The following VTA1 variants were observed in gnomAD, a reference collection of about 807,000 sequenced individuals.
VTA1 encodes the protein vesicle trafficking 1.
A neutral mutation model predicts 36.9 loss-of-function variants in VTA1; 24 were observed. That is an observed-to-expected ratio of 0.65 (90% CI 0.47 to 0.91). The LOEUF is 0.91. Among genes scored for constraint, VTA1 ranks in the 40% least tolerant of loss-of-function variants. The pLI is 0.00. For missense variants in VTA1, 393 were observed against 377.2 expected, an observed-to-expected ratio of 1.04 and a Z score of -0.35; for synonymous variants, 142 against 130.2, an observed-to-expected ratio of 1.09 and a Z score of -0.62.
chr6:142,187,229 A>G (rs949311079), intron 4 of VTA1, among the ~76,000 whole-genome samples: 1 of 152,178 alleles, frequency 6.6e-6, no homozygotes, highest in Non-Finnish European at 1.5e-5. Context: ...GAGGATTAGG[A>G]GCCAAAGGAG....
At chr6:142,216,884 C>G (rs1036202753) in intron 7 of VTA1, among the ~76,000 whole-genome samples, 17 of 152,092 alleles carry the variant, frequency 1.1e-4, no homozygotes, top group South Asian at 2.1e-4. Flanking sequence ...AAAGAGTGCC[C>G]TGAGATAGGA....
rs1776051528 is a variant in VTA1 at position 142,218,850 on chromosome 6, C to CT, written c.*208dup. The CT allele has an allele frequency of 1.9e-6, 1 of 524,708 alleles. No homozygotes were observed. Among genetic ancestry groups the CT allele is most frequent in the Non-Finnish European group, 3.2e-6 (1 of 315,448 alleles). 32.5% of individuals were successfully genotyped at this position (524,708 alleles called of 1,614,324 possible). A position where few individuals can be genotyped will look rare whatever the true frequency, so the allele number is the denominator to read the frequency against. On this transcript the variant is annotated 3_prime_UTR_variant, in exon 8 of 8. Transcript: ENST00000367630. ...GTCCATTTACTAGATTCAATCGTCT[C>CT]TGAGTATATAGGGCTGATGTTAGCA...
At chr6:142,169,463 C>A in intron 2 of VTA1, 87 bp from the exon 3 acceptor site, 1 of 1,367,020 alleles carries the variant, frequency 7.3e-7, no homozygotes, top group Non-Finnish European at 1.0e-6. Flanking sequence ...AAATAATTTA[C>A]TTAAAATGAT....
intron 4 of VTA1, among the ~76,000 whole-genome samples, chr6:142,187,268 T>C (rs1205537573): frequency 6.6e-6 from 1 of 152,118 alleles, no homozygotes; most frequent in Non-Finnish European, 1.5e-5. Flanking sequence ...GAATAGAGTG[T>C]CACAAAAACT....
intron 7 of VTA1, among the ~76,000 whole-genome samples, chr6:142,206,337 A>G (rs897002990): frequency 6.6e-6 from 1 of 152,214 alleles, no homozygotes; most frequent in Non-Finnish European, 1.5e-5. Context: ...ACAATAATCA[A>G]AAACAAAATA....
chr6:142,190,299 A>G (rs980186995), intron 5 of VTA1, among the ~76,000 whole-genome samples: 14 of 151,988 alleles, frequency 9.2e-5, no homozygotes, highest in Non-Finnish European at 1.8e-4. Flanking sequence ...TCCTACCAAA[A>G]CTCAAGTAAG....
intron 1 of VTA1, among the ~76,000 whole-genome samples, chr6:142,149,256 C>G (rs1210889451): frequency 1.3e-5 from 2 of 152,276 alleles, no homozygotes; most frequent in African/African-American, 2.4e-5. Context: ...TGAAACTGCT[C>G]TCATCAGGCT....
chr6:142,150,971 G>A (rs964755138), intron 1 of VTA1, among the ~76,000 whole-genome samples: 2 of 152,156 alleles, frequency 1.3e-5, no homozygotes, highest in African/African-American at 4.8e-5. Flanking sequence ...AATTTGAGGG[G>A]AAGGAGGTAG....
Position 142,198,583 on chromosome 6 carries a change from C to CTAA in VTA1, c.668_670dup (p.Asn223dup). The stretch of plus-strand genomic sequence containing the variant: ...ATTCCTCCGGGTGCACACGCTCCAG[C>CTAA]TAATACACCAGCAGAAGTGCCTCAC... On this transcript the variant is annotated inframe_insertion, in exon 6 of 8. Transcript: ENST00000367630. 1 of 1,612,968 alleles carries CTAA rather than the reference C, an allele frequency of 6.2e-7. No homozygotes were observed.
chr6:142,180,903 G>T (rs919823058), intron 4 of VTA1, among the ~76,000 whole-genome samples: 1 of 151,208 alleles, frequency 6.6e-6, no homozygotes, highest in Non-Finnish European at 1.5e-5. Context: ...ATCTGGGCCT[G>T]GGGGGAAAAT....
intron 1 of VTA1, among the ~76,000 whole-genome samples, chr6:142,160,465 T>G (rs968511013): frequency 1.5e-4 from 23 of 152,182 alleles, no homozygotes; most frequent in Non-Finnish European, 3.1e-4. Context: ...GATTTCTGGG[T>G]TTTTTCCTGC....
chr6:142,186,606 G>C (rs1253753049), intron 4 of VTA1, among the ~76,000 whole-genome samples: 1 of 152,066 alleles, frequency 6.6e-6, no homozygotes, highest in Admixed American at 6.5e-5. Flanking sequence ...TGTTAAAAAT[G>C]ACTCCTCCCA....
chr6:142,184,160 G>A (rs908912278), intron 4 of VTA1, among the ~76,000 whole-genome samples: 1 of 152,102 alleles, frequency 6.6e-6, no homozygotes, highest in Non-Finnish European at 1.5e-5. Flanking sequence ...GGTACATTCT[G>A]CATTGATAAA....
intron 1 of VTA1, 35 bp downstream of exon 1, chr6:142,147,434 C>G: frequency 6.3e-7 from 1 of 1,596,632 alleles, no homozygotes; most frequent in East Asian, 2.3e-5. Flanking sequence ...CCTTTCTTTC[C>G]CAGTTGCATT....
chr6:142,181,607 A>AT (rs550132842), intron 4 of VTA1, among the ~76,000 whole-genome samples: 51 of 151,744 alleles, frequency 3.4e-4, no homozygotes, highest in African/African-American at 1.2e-3. Flanking sequence ...GATGAAAACT[A>AT]TATTTTTTTT....
intron 4 of VTA1, among the ~76,000 whole-genome samples, chr6:142,174,811 G>A (rs1053447927): frequency 6.6e-6 from 1 of 152,116 alleles, no homozygotes; most frequent in Non-Finnish European, 1.5e-5. Flanking sequence ...CACGTGAGAA[G>A]TGGTGGTTTA....
chr6:142,215,026 T>A (rs1775980149), intron 7 of VTA1, among the ~76,000 whole-genome samples: 1 of 152,212 alleles, frequency 6.6e-6, no homozygotes, highest in African/African-American at 2.4e-5. Context: ...GTAATGAATT[T>A]ATGGCTCACT....
rs1291098168 is a variant in VTA1 at position 142,215,737 on chromosome 6, T to C, written c.779-2761T>C. On this transcript the variant is annotated intron_variant, in intron 7 of 7. Coordinates refer to ENST00000367630, the MANE Select transcript of VTA1 (RefSeq NM_016485.5). ...CTGCTAAAGACTCATTTTGGAAATA[T>C]TTACAAATAAGTGTTCTATCCTCTC... is the stretch of plus-strand genomic sequence containing the variant. 2.0e-5 allele frequency among the ~76,000 whole-genome samples: 3 copies of C among 152,210 alleles called. No individual in the cohort carries two copies. The East Asian group carries it at 5.8e-4, about 29-fold the overall frequency.
At chr6:142,167,042 GGA>G (rs1774930194) in intron 2 of VTA1, among the ~76,000 whole-genome samples, 1 of 152,110 alleles carries the variant, frequency 6.6e-6, no homozygotes, top group South Asian at 2.1e-4. Flanking sequence ...GAACAATGAA[GGA>G]AATGATGCCA....
Sources: allele counts gnomAD v4.1 joint callset (sites outside exome capture counted in the v4.1 genomes callset), GRCh38; gene constraint gnomAD v4.1.1; transcripts MANE v1.5; gene names NCBI Gene and HGNC (gene_info 2026-07-23, HGNC 2026-07-21).